Variants in MFN1 observed in about 807,000 individuals in gnomAD.
MFN1 encodes mitofusin-1.
MFN1 carries 65 observed loss-of-function variants against 92.4 expected under a neutral mutation model. The observed-to-expected ratio is 0.70, with a 90% CI of 0.58 to 0.86. MFN1 has a LOEUF of 0.86. MFN1 is among the 40% of genes least tolerant of loss of function. MFN1 has a pLI of 0.00. For missense variants in MFN1, 781 were observed against 868.0 expected, an observed-to-expected ratio of 0.90 and a Z score of 1.26; for synonymous variants, 297 against 300.9, an observed-to-expected ratio of 0.99 and a Z score of 0.13.
intron 7 of MFN1, among the ~76,000 whole-genome samples, chr3:179,366,625 A>G (rs1489931933): frequency 6.6e-6 from 1 of 152,174 alleles, no homozygotes; most frequent in African/African-American, 2.4e-5. Flanking sequence ...GCATAACATC[A>G]TGTTTTATAT....
intron 14 of MFN1, among the ~76,000 whole-genome samples, chr3:179,384,727 G>T (rs1482176059): frequency 1.3e-5 from 2 of 152,050 alleles, no homozygotes; most frequent in Non-Finnish European, 2.9e-5. Context: ...TAGACACAAG[G>T]TCTCACTGTG....
chr3:179,374,045 G>A (rs775571239), intron 9 of MFN1, among the ~76,000 whole-genome samples: 2 of 151,468 alleles, frequency 1.3e-5, no homozygotes, highest in Non-Finnish European at 2.9e-5. Flanking sequence ...GCTCACTCTT[G>A]TAATCCTAGC....
intron 4 of MFN1, among the ~76,000 whole-genome samples, chr3:179,361,178 T>C (rs1712560549): frequency 6.6e-6 from 1 of 152,228 alleles, no homozygotes; most frequent in South Asian, 2.1e-4. Flanking sequence ...TGTTGTTTTG[T>C]GATTAAGATT....
In MFN1 at chr3:179,387,584, C is replaced by CTTTTTTTTTTTTTTTTTTTTTTTTT; in HGVS notation, c.2012+960_2012+984dup. Among the ~76,000 whole-genome samples the CTTTTTTTTTTTTTTTTTTTTTTTTT allele has an allele frequency of 2.4e-5, 2 of 82,258 alleles. 1 individual carries two copies. The highest frequency in any genetic ancestry group is 4.5e-5 in the Non-Finnish European group (2 of 44,822). 54.0% of individuals were successfully genotyped at this position (82,258 alleles called of 152,430 possible). The stretch of plus-strand genomic sequence containing the variant: ...ATTGCCCTTAAGATATTTGTGGTTT[C>CTTTTTTTTTTTTTTTTTTTTTTTTT]TTTTTTTTTTTTTTTTTTTTTTTTT... On this transcript the variant is annotated intron_variant, in intron 16 of 17. Coordinates refer to ENST00000471841, the MANE Select transcript of MFN1 (RefSeq NM_033540.3).
Position 179,392,047 on chromosome 3 carries a change from T to C in MFN1, c.2214T>C (p.Asn738=), listed in dbSNP as rs772005782. 6 of 1,608,890 alleles carry C rather than the reference T, an allele frequency of 3.7e-6. No homozygotes were observed. The Admixed American group carries it at 8.3e-5, about 22-fold the overall frequency. Residue 738 remains asparagine (N), a synonymous_variant, in exon 18 of 18, where the codon AAT becomes AAC. Transcript: ENST00000471841. ...CTAAGCAGTTTCTACCTTCAAGCAATGAAGAATCCTAACAATAGAGATTGC... is the reference window on the plus strand; with the variant it reads ...CTAAGCAGTTTCTACCTTCAAGCAACGAAGAATCCTAACAATAGAGATTGC... ...NFTKQFLPSS[N]EES
In MFN1 at chr3:179,389,991, TTTTTA is replaced by T. The variant is rs751761807; in HGVS notation, c.2013-7_2013-3del. 1 of 1,592,812 alleles carries T rather than the reference TTTTTA, an allele frequency of 6.3e-7. No individual in the cohort carries two copies. The highest frequency in any genetic ancestry group is 8.5e-7 in the Non-Finnish European group (1 of 1,174,126). ...GAAGACATTTATGACTGCTTCTAAA[TTTTTA>T]TTTTAAGACAAATAGCTACCACTTT... On this transcript the variant is annotated splice_region_variant and splice_polypyrimidine_tract_variant and intron_variant, in intron 16 of 17. Coordinates refer to ENST00000471841, the MANE Select transcript of MFN1 (RefSeq NM_033540.3).
chr3:179,365,260 A>G (rs2108535216), intron 7 of MFN1, 35 bp downstream of exon 7: 2 of 1,095,468 alleles, frequency 1.8e-6, no homozygotes, highest in East Asian at 2.7e-5. Context: ...AGGTTTTGAA[A>G]TACAGTCACA....
chr3:179,382,235 C>T (rs1713497163), intron 14 of MFN1, among the ~76,000 whole-genome samples: 1 of 152,174 alleles, frequency 6.6e-6, no homozygotes, highest in African/African-American at 2.4e-5. Context: ...TCCCATCCCA[C>T]AACAGGCCCC....
chr3:179,378,238 A>T, intron 12 of MFN1, 103 bp from the exon 13 acceptor site: 1 of 916,276 alleles, frequency 1.1e-6, no homozygotes, highest in South Asian at 1.5e-5. Context: ...AAAAAAGTCA[A>T]ATTAAAAAGA....
At chr3:179,386,090 AGTT>A (rs1394227949) in intron 15 of MFN1, among the ~76,000 whole-genome samples, 2 of 152,196 alleles carry the variant, frequency 1.3e-5, no homozygotes, top group Non-Finnish European at 2.9e-5. Context: ...TTTTAGTAGT[AGTT>A]CTTATTTGTT....
rs1264904058 is a variant in MFN1, at chr3:179,394,364, CAT to C, written c.*2307_*2308del. The C allele has an allele frequency of 2.7e-5, 4 of 145,568 alleles. No individual in the cohort carries two copies. The highest frequency in any genetic ancestry group is 1.0e-4 in the African/African-American group (4 of 39,638). 9.0% of individuals were successfully genotyped at this position (145,568 alleles called of 1,614,324 possible). A position where few individuals can be genotyped will look rare whatever the true frequency, so the allele number is the denominator to read the frequency against. On this transcript the variant is annotated 3_prime_UTR_variant, in exon 18 of 18. Transcript: ENST00000471841. ...GTAGTTGTCTGATCAATTGTGAAAA[CAT>C]AATGAATGTTGGAAATGGAACAGTA...
At chr3:179,351,796 C>T (rs1340818204) in intron 2 of MFN1, 104 bp from the exon 3 acceptor site, 2 of 1,065,590 alleles carry the variant, frequency 1.9e-6, no homozygotes, top group Non-Finnish European at 2.6e-6. Flanking sequence ...CTGTGGGTGG[C>T]ATGTTAACAT....
chr3:179,384,432 AG>A (rs1713592146), intron 14 of MFN1, among the ~76,000 whole-genome samples: 1 of 152,126 alleles, frequency 6.6e-6, no homozygotes, highest in Non-Finnish European at 1.5e-5. Context: ...TGTGCTCACT[AG>A]CCATTTGTGT....
chr3:179,377,032 A>G lies in MFN1; in HGVS notation c.1098-10A>G, dbSNP rs1296550462. 6.2e-7 allele frequency: 1 copy of G among 1,612,510 alleles called. No individual in the cohort carries two copies. Among genetic ancestry groups the G allele is most frequent in the East Asian group, 2.2e-5 (1 of 44,764 alleles). On this transcript the variant is annotated splice_polypyrimidine_tract_variant and intron_variant, in intron 10 of 17. Coordinates refer to ENST00000471841, the MANE Select transcript of MFN1 (RefSeq NM_033540.3). The stretch of plus-strand genomic sequence containing the variant: ...ACCCTGAACGTTGATTACTCTTTAT[A>G]CTGAAATAGGCATTATTCAGTGGAA...
rs916051841 is a variant in MFN1 at position 179,351,912 on chromosome 3, A to G, written c.125A>G (p.Asn42Ser). Residue 42 changes from asparagine to serine, a missense_variant, in exon 3 of 18, where the codon AAT becomes AGT. Asn to Ser is a conservative substitution (Grantham distance 46). Transcript: ENST00000471841. ...TTCAATTTTGCAGCAACATATAAGA[A>G]TCCGGAACTTGATCGAATAGCCACT... ...GSHFVEATYKNPELDRIATED... is the reference protein window; with the variant it reads ...GSHFVEATYKSPELDRIATED... The G allele has an allele frequency of 6.2e-7, 1 of 1,604,708 alleles. No individual in the cohort carries two copies.
At position 179,377,061 on chromosome 3, in the gene MFN1, A is replaced by G; in HGVS notation, c.1117A>G (p.Arg373Gly). The G allele has an allele frequency of 6.2e-7, 1 of 1,613,818 alleles. No individual in the cohort carries two copies. The highest frequency in any genetic ancestry group is 8.5e-7 in the Non-Finnish European group (1 of 1,179,872). ...EDKRHYSVEE[R>G]EDQIDRLDFI... The stretch of plus-strand genomic sequence containing the variant: ...AAATAGGCATTATTCAGTGGAAGAG[A>G]GGGAAGACCAAATTGATAGACTGGA... The change falls in exon 11 of 18, where the codon AGG becomes GGG. Residue 373 changes from arginine (R) to glycine (G), a missense_variant. Physicochemically the swap from Arg to Gly is moderately radical, Grantham distance 125. Coordinates refer to ENST00000471841, the MANE Select transcript of MFN1 (RefSeq NM_033540.3).
At chr3:179,355,342 G>C (rs1402844090) in intron 3 of MFN1, among the ~76,000 whole-genome samples, 2 of 152,006 alleles carry the variant, frequency 1.3e-5, no homozygotes, top group Admixed American at 1.3e-4. Context: ...TCATCTCCTG[G>C]GAATGCAGCC....
chr3:179,366,184 C>G (rs954586912), intron 7 of MFN1, among the ~76,000 whole-genome samples: 1 of 152,240 alleles, frequency 6.6e-6, no homozygotes, highest in Admixed American at 6.5e-5. Flanking sequence ...GGCCCCCAAG[C>G]AAACACTGGC....
At position 179,386,405 on chromosome 3, in the gene MFN1, C is replaced by T. The variant is rs374695403; in HGVS notation, c.1816-28C>T. On this transcript the variant is annotated intron_variant, in intron 15 of 17. Coordinates refer to ENST00000471841, the MANE Select transcript of MFN1 (RefSeq NM_033540.3). ...TCTCCAAAGTGGTGTTTTTCCTTCT[C>T]AGACTAAGCTATGACTTTATCTTAC... 9 of 1,583,208 alleles carry T rather than the reference C, an allele frequency of 5.7e-6. No homozygotes were observed. The East Asian group carries it at 6.7e-5, about 12-fold the overall frequency.
Sources: gnomAD v4.1 joint callset for allele counts (sites outside exome capture counted in the v4.1 genomes callset) on GRCh38, gnomAD v4.1.1 for gene constraint, MANE v1.5 for transcripts, NCBI Gene and HGNC (gene_info 2026-07-23, HGNC 2026-07-21) for gene names.